The following SRPK2 variants were observed in gnomAD, a reference collection of about 807,000 sequenced individuals.
The protein encoded by SRPK2 is SRSF protein kinase 2.
Under a neutral mutation model 90.8 loss-of-function variants are expected in SRPK2, and 21 were observed. The observed-to-expected ratio is 0.23, with a 90% confidence interval of 0.16 to 0.33. SRPK2 has a LOEUF of 0.33. Ranked by LOEUF, SRPK2 falls within the 10% of genes least tolerant of loss-of-function variation. The pLI is 1.00. For synonymous variants in SRPK2, 288 were observed against 311.1 expected, an observed-to-expected ratio of 0.93 and a Z score of 0.78; for missense variants, 620 against 869.0, an observed-to-expected ratio of 0.71 and a Z score of 3.60.
chr7:105,167,973 T>G (rs1488658290), intron 5 of SRPK2, 35 bp downstream of exon 5: 3 of 1,498,356 alleles, frequency 2.0e-6, no homozygotes, highest in Non-Finnish European at 2.7e-6. Flanking sequence ...AGTCATTAAG[T>G]TTTCTTATAT....
At chr7:105,133,440 G>T (rs575452413) in intron 11 of SRPK2, among the ~76,000 whole-genome samples, 3 of 152,256 alleles carry the variant, frequency 2.0e-5, no homozygotes, top group Admixed American at 6.5e-5. Flanking sequence ...GCTCTTCATG[G>T]TGTCAATCCA....
At chr7:105,116,029 T>A (rs1799603113), downstream of SRPK2, among the ~76,000 whole-genome samples, 1 of 152,194 alleles carries the variant, frequency 6.6e-6, no homozygotes, top group Non-Finnish European at 1.5e-5. Context: ...GGTAATGTGA[T>A]ATAATGGTAA....
intron 7 of SRPK2, among the ~76,000 whole-genome samples, chr7:105,153,884 C>T (rs534402675): frequency 7.4e-4 from 113 of 152,238 alleles, no homozygotes; most frequent in African/African-American, 2.5e-3. Context: ...AGGGGTTCTC[C>T]GCAAGCCTAG....
At chr7:105,175,082 C>A (rs543147712) in intron 3 of SRPK2, among the ~76,000 whole-genome samples, 1 of 150,892 alleles carries the variant, frequency 6.6e-6, no homozygotes, top group African/African-American at 2.4e-5. Context: ...GCAGAGGTTG[C>A]GGAGTCGAGA....
rs976511997 is a variant in SRPK2, at chr7:105,117,401, G to A, written c.*437C>T. ...CAGGAATGATGTCCCTTTGCCAGAA[G>A]ATAAAATTGTACATTTCCTTGCTAT... On this transcript the variant is annotated 3_prime_UTR_variant, in exon 16 of 16. Coordinates refer to ENST00000393651, the MANE Select transcript of SRPK2 (RefSeq NM_182692.3). 5.3e-6 allele frequency: 1 copy of A among 187,694 alleles called. No individual in the cohort carries two copies. Among genetic ancestry groups the A allele is most frequent in the African/African-American group, 2.4e-5 (1 of 41,650 alleles). The allele number at this position is 187,694 out of a possible 1,614,324, so 11.6% of individuals were successfully genotyped here.
At chr7:105,116,019 G>GAT (rs1799601490), downstream of SRPK2, among the ~76,000 whole-genome samples, 1 of 152,098 alleles carries the variant, frequency 6.6e-6, no homozygotes, top group Admixed American at 6.5e-5. Context: ...ACCTCACAGT[G>GAT]GTAATGTGAT....
chr7:105,150,891 G>A (rs1044519831), intron 7 of SRPK2, among the ~76,000 whole-genome samples: 1 of 152,016 alleles, frequency 6.6e-6, no homozygotes, highest in African/African-American at 2.4e-5. Context: ...AAATATATTT[G>A]ACCATTTTCT....
chr7:105,286,326 TTTC>T (rs1448046295), intron 2 of SRPK2, among the ~76,000 whole-genome samples: 2 of 152,256 alleles, frequency 1.3e-5, no homozygotes, highest in African/African-American at 4.8e-5. Context: ...CTACAAATAA[TTTC>T]TTTTGTCCTC....
At chr7:105,146,075 C>A (rs1018825040) in intron 8 of SRPK2, among the ~76,000 whole-genome samples, 23 of 152,160 alleles carry the variant, frequency 1.5e-4, no homozygotes, top group African/African-American at 5.3e-4. Context: ...CTAACTAACT[C>A]CAAATCTGTT....
At chr7:105,125,750 G>C (rs1231628833) in intron 15 of SRPK2, 2 of 1,005,158 alleles carry the variant, frequency 2.0e-6, no homozygotes, top group African/African-American at 3.3e-5. Context: ...AGAAGACTAT[G>C]CTGAAAATTA....
intron 2 of SRPK2, among the ~76,000 whole-genome samples, chr7:105,261,999 A>G (rs1214863381): frequency 6.6e-6 from 1 of 152,148 alleles, no homozygotes; most frequent in Non-Finnish European, 1.5e-5. Flanking sequence ...GTACTCACTG[A>G]CCCAGGTATG....
chr7:105,142,522 T>C (rs1584933423), intron 10 of SRPK2, 32 bp from the exon 11 acceptor site: 6 of 1,573,090 alleles, frequency 3.8e-6, no homozygotes, highest in African/African-American at 1.4e-5. Flanking sequence ...GAATTAGAAC[T>C]TGTTACTCTC....
chr7:105,295,438 A>G (rs1809680300), intron 2 of SRPK2, among the ~76,000 whole-genome samples: 1 of 152,168 alleles, frequency 6.6e-6, no homozygotes, highest in Admixed American at 6.5e-5. Flanking sequence ...AATTATATAA[A>G]CATACAATGG....
intron 2 of SRPK2, among the ~76,000 whole-genome samples, chr7:105,336,779 G>T (rs755057135): frequency 6.6e-6 from 1 of 152,098 alleles, no homozygotes; most frequent in Non-Finnish European, 1.5e-5. Context: ...CAGTAACTGT[G>T]GAAATGTGAA....
chr7:105,380,357 C>T (rs373196259), intron 2 of SRPK2, among the ~76,000 whole-genome samples: 12 of 151,926 alleles, frequency 7.9e-5, no homozygotes, highest in Non-Finnish European at 1.6e-4. Context: ...GTCTCAAACT[C>T]CTGACCTCTA....
At chr7:105,205,916 A>G (rs1436519463) in intron 2 of SRPK2, 1 of 499,998 alleles carries the variant, frequency 2.0e-6, no homozygotes, top group Non-Finnish European at 4.0e-6. Context: ...AAAAATGAGT[A>G]CATTCTCTGA....
intron 2 of SRPK2, among the ~76,000 whole-genome samples, chr7:105,229,420 C>T (rs1799149711): frequency 6.6e-6 from 1 of 151,786 alleles, no homozygotes; most frequent in Non-Finnish European, 1.5e-5. Context: ...GCCGAGATTG[C>T]GCCACTGCAC....
chr7:105,388,626 G>T, intron 2 of SRPK2, 22 bp downstream of exon 2: 1 of 1,567,834 alleles, frequency 6.4e-7, no homozygotes, highest in South Asian at 1.1e-5. Context: ...GGGGAACGGG[G>T]ACAGGCGCAG....
chr7:105,290,108 C>G (rs1395260665), intron 2 of SRPK2, among the ~76,000 whole-genome samples: 1 of 151,306 alleles, frequency 6.6e-6, no homozygotes, highest in Non-Finnish European at 1.5e-5. Flanking sequence ...AACGATCACT[C>G]ATCACAGATC....
Sources: allele counts gnomAD v4.1 joint callset (sites outside exome capture counted in the v4.1 genomes callset), GRCh38; gene constraint gnomAD v4.1.1; transcripts MANE v1.5; gene names NCBI Gene and HGNC (gene_info 2026-07-23, HGNC 2026-07-21).